FARS2: variants seen among roughly 807,000 people sequenced by gnomAD.
The protein encoded by FARS2 is phenylalanyl-tRNA synthetase 2, mitochondrial.
Under a neutral mutation model 46.4 loss-of-function variants are expected in FARS2, and 40 were observed. The ratio of observed to expected loss-of-function variants is 0.86; its 90% CI spans 0.67 to 1.12. FARS2 has a LOEUF of 1.12. Among genes scored for constraint, FARS2 ranks in the 50% most tolerant of loss-of-function variants. The pLI is 0.00. For synonymous variants in FARS2, 234 were observed against 214.9 expected (o/e 1.09, Z -0.78); for missense variants, 513 against 567.9 (o/e 0.90, Z 0.98).
intron 6 of FARS2, among the ~76,000 whole-genome samples, chr6:5,696,992 T>G (rs144785349): frequency 2.1e-3 from 324 of 152,332 alleles, no homozygotes; most frequent in African/African-American, 6.9e-3. Context: ...TTTCTCTAGC[T>G]AGGTGAGTTC....
intron 4 of FARS2, among the ~76,000 whole-genome samples, chr6:5,544,672 A>G (rs1258734102): frequency 6.6e-6 from 1 of 152,178 alleles, no homozygotes; most frequent in East Asian, 1.9e-4. Context: ...AATAAGCATT[A>G]TGGTGTTTAA....
chr6:5,605,578 G>A (rs1774786714), intron 5 of FARS2, among the ~76,000 whole-genome samples: 1 of 152,226 alleles, frequency 6.6e-6, no homozygotes, highest in Non-Finnish European at 1.5e-5. Context: ...CTCTGAGCAG[G>A]GAGGGTGATC....
intron 4 of FARS2, among the ~76,000 whole-genome samples, chr6:5,518,042 T>G (rs1443188399): frequency 6.6e-6 from 1 of 152,180 alleles, no homozygotes; most frequent in African/African-American, 2.4e-5. Context: ...GTGTTTAAAC[T>G]GGTGAATTTT....
At chr6:5,308,354 C>T (rs896402507) in intron 1 of FARS2, among the ~76,000 whole-genome samples, 65 of 152,312 alleles carry the variant, frequency 4.3e-4, no homozygotes, top group African/African-American at 1.5e-3. Context: ...TTCACAGAAG[C>T]ATCACCCTGG....
chr6:5,515,358 C>T (rs1403018982), intron 4 of FARS2, among the ~76,000 whole-genome samples: 3 of 152,102 alleles, frequency 2.0e-5, no homozygotes, highest in African/African-American at 7.2e-5. Context: ...ATGATATAGT[C>T]ATTTCATGGG....
chr6:5,421,840 T>G (rs1353662859), intron 3 of FARS2, among the ~76,000 whole-genome samples: 6 of 152,232 alleles, frequency 3.9e-5, no homozygotes, highest in African/African-American at 1.4e-4. Flanking sequence ...TCAACAAGTC[T>G]CTAGGGAATT....
chr6:5,261,504 C>T (rs1447503644), upstream of FARS2: 1 of 152,404 alleles, frequency 6.6e-6, no homozygotes, highest in East Asian at 1.9e-4. Flanking sequence ...GCGTAGGGGC[C>T]TCTGGGGCAG....
chr6:5,650,476 C>A lies in FARS2; in HGVS notation c.1217+37156C>A, dbSNP rs112346295. On this transcript the variant is annotated intron_variant, in intron 6 of 6. Coordinates refer to ENST00000274680, the MANE Select transcript of FARS2 (RefSeq NM_006567.5). Reference sequence around the variant, plus strand: ...AAAAAATTAACCCTCTAACAAATTGCGGCATGGTGAGCTTTGGTGACTTTG... The same window carrying A: ...AAAAAATTAACCCTCTAACAAATTGAGGCATGGTGAGCTTTGGTGACTTTG... 5.4e-3 allele frequency among the ~76,000 whole-genome samples: 826 copies of A among 152,164 alleles called. 1 individual carries two copies. Among genetic ancestry groups the A allele is most frequent in the Non-Finnish European group, 9.0e-3 (612 of 68,006 alleles).
chr6:5,436,313 C>T (rs1763518936), intron 4 of FARS2, among the ~76,000 whole-genome samples: 1 of 152,140 alleles, frequency 6.6e-6, no homozygotes, highest in Non-Finnish European at 1.5e-5. Context: ...CCAGTCTGTC[C>T]CTGTCTCTGG....
intron 6 of FARS2, among the ~76,000 whole-genome samples, chr6:5,703,860 C>T (rs1216592840): frequency 1.3e-5 from 2 of 152,206 alleles, no homozygotes; most frequent in African/African-American, 4.8e-5. Context: ...GGCCTGGGTT[C>T]CTGGCTTCTC....
chr6:5,518,515 A>T (rs17140746), intron 4 of FARS2, among the ~76,000 whole-genome samples: 2,749 of 152,290 alleles, frequency 0.018, 68 homozygotes, highest in African/African-American at 0.063. Flanking sequence ...TTCTATGAGA[A>T]TATAGAGTGA....
intron 4 of FARS2, among the ~76,000 whole-genome samples, chr6:5,541,735 T>A (rs1272627328): frequency 6.6e-6 from 1 of 152,184 alleles, no homozygotes; most frequent in East Asian, 1.9e-4. Context: ...CAGTGTAAAG[T>A]GAAAGCAAGT....
chr6:5,702,800 C>A (rs1357958266), intron 6 of FARS2, among the ~76,000 whole-genome samples: 1 of 152,182 alleles, frequency 6.6e-6, no homozygotes, highest in Non-Finnish European at 1.5e-5. Flanking sequence ...CCCTTTCATG[C>A]CCCCAAACAT....
chr6:5,732,985 C>T (rs1173125700), intron 6 of FARS2, among the ~76,000 whole-genome samples: 2 of 152,152 alleles, frequency 1.3e-5, no homozygotes, highest in African/African-American at 2.4e-5. Flanking sequence ...CTAGGTGGTG[C>T]CCAACCCAAC....
intron 2 of FARS2, among the ~76,000 whole-genome samples, chr6:5,379,670 AT>A (rs1759625505): frequency 1.3e-5 from 2 of 152,022 alleles, no homozygotes; most frequent in South Asian, 4.1e-4. Context: ...GGGAAAGTTA[AT>A]TTGGGAGACT....
chr6:5,482,483 C>T (rs1189998406), intron 4 of FARS2, among the ~76,000 whole-genome samples: 2 of 152,114 alleles, frequency 1.3e-5, no homozygotes, highest in Non-Finnish European at 2.9e-5. Flanking sequence ...TGGAGAGAGA[C>T]TTGGAATCCT....
chr6:5,256,491 GAAAAAAAAAAAAAA>G (rs1161084364), upstream of FARS2, among the ~76,000 whole-genome samples: 1 of 43,878 alleles, frequency 2.3e-5, no homozygotes, highest in African/African-American at 1.5e-4. Context: ...ATTTCAACTG[GAAAAAAAAAAAAAA>G]AAAAAAAAAA....
In FARS2 at chr6:5,544,913, T is replaced by G. The variant is rs183715960; in HGVS notation, c.905-267T>G. 2.4e-3 allele frequency among the ~76,000 whole-genome samples: 361 copies of G among 152,292 alleles called. 3 individuals carry two copies. Among genetic ancestry groups the G allele is most frequent in the Non-Finnish European group, 1.7e-3 (118 of 68,032 alleles). ...CATAACTCAGTTCAGGAACCAGTGC[T>G]TCAGAAAGCCTAGAATGTAATCAGA... On this transcript the variant is annotated intron_variant, in intron 4 of 6. Transcript: ENST00000274680.
chr6:5,499,046 C>T (rs923380358), intron 4 of FARS2, among the ~76,000 whole-genome samples: 2 of 152,150 alleles, frequency 1.3e-5, no homozygotes, highest in Non-Finnish European at 2.9e-5. Context: ...TACAGGCATG[C>T]ACCACCACGC....
Sources: allele counts gnomAD v4.1 joint callset (sites outside exome capture counted in the v4.1 genomes callset), GRCh38; gene constraint gnomAD v4.1.1; transcripts MANE v1.5; gene names NCBI Gene and HGNC (gene_info 2026-07-23, HGNC 2026-07-21).